Variants in KAZN observed in about 807,000 individuals in gnomAD.
KAZN encodes kazrin, periplakin interacting protein, also known as kazrin.
KAZN carries 40 observed loss-of-function variants against 87.4 expected under a neutral mutation model. The ratio of observed to expected loss-of-function variants is 0.46; its 90% CI spans 0.36 to 0.60. The LOEUF is 0.60. KAZN is among the 20% of genes least tolerant of loss of function. The pLI is 0.00. For synonymous variants in KAZN, 466 were observed against 458.3 expected, an observed-to-expected ratio of 1.02 and a Z score of -0.22; for missense variants, 898 against 1,073.9, an observed-to-expected ratio of 0.84 and a Z score of 2.29.
At chr1:14,695,510 C>CTTTTTTTTTTTTTTGTTTTTTTTTTTTT in intron 1 of KAZN, among the ~76,000 whole-genome samples, 1 of 85,048 alleles carries the variant, frequency 1.2e-5, no homozygotes, top group Non-Finnish European at 2.7e-5. Context: ...TACATTCCAT[C>CTTTTTTTTTTTTTTGTTTTTTTTTTTTT]TTTTTTTTTT....
At chr1:14,740,847 A>G (rs554200311) in intron 1 of KAZN, among the ~76,000 whole-genome samples, 5 of 152,306 alleles carry the variant, frequency 3.3e-5, no homozygotes, top group East Asian at 1.9e-4. Flanking sequence ...TGGGGATTCC[A>G]ATTACTAACT....
At chr1:14,509,997 G>A (rs1286025532) in intron 2 of KAZN, among the ~76,000 whole-genome samples, 1 of 108,792 alleles carries the variant, frequency 9.2e-6, no homozygotes, top group African/African-American at 2.7e-5. Context: ...GGCCAGTGTT[G>A]CTGGGGCAAG....
intron 2 of KAZN, among the ~76,000 whole-genome samples, chr1:14,497,398 A>G (rs1670008599): frequency 6.6e-6 from 1 of 151,556 alleles, no homozygotes; most frequent in Non-Finnish European, 1.5e-5. Context: ...GCAAGAGCCT[A>G]AAGAGGTTTG....
chr1:14,862,613 A>G (rs911770488), intron 1 of KAZN, among the ~76,000 whole-genome samples: 1 of 152,172 alleles, frequency 6.6e-6, no homozygotes, highest in Non-Finnish European at 1.5e-5. Context: ...AGTCTTTCCA[A>G]TCAGCCTCCC....
intron 2 of KAZN, among the ~76,000 whole-genome samples, chr1:14,359,082 C>T (rs1179298706): frequency 1.3e-5 from 2 of 152,120 alleles, no homozygotes; most frequent in South Asian, 2.1e-4. Context: ...TCTCTAAGAA[C>T]TTGCTTTATG....
chr1:14,401,397 G>A (rs990698373), intron 2 of KAZN, among the ~76,000 whole-genome samples: 10 of 151,654 alleles, frequency 6.6e-5, no homozygotes, highest in African/African-American at 1.9e-4. Flanking sequence ...GGTCAATCTC[G>A]TATGTTGAAC....
intron 2 of KAZN, among the ~76,000 whole-genome samples, chr1:14,581,295 A>G (rs1675531518): frequency 1.3e-5 from 2 of 152,118 alleles, no homozygotes; most frequent in African/African-American, 4.8e-5. Context: ...GCTTAAATAC[A>G]AGCATTCAGG....
Position 14,325,256 on chromosome 1 carries a change from G to A in KAZN, c.249+144664G>A, listed in dbSNP as rs77823959. Among the ~76,000 whole-genome samples the A allele has an allele frequency of 8.5e-5, 13 of 152,252 alleles. No homozygotes were observed. In the East Asian group the frequency reaches 2.5e-3, roughly 29 times the overall value. On this transcript the variant is annotated intron_variant, in intron 2 of 16. Coordinates refer to the KAZN transcript ENST00000636203. ...AGCCACCATCACTCTGAGCATTAAAGCCAGATGGACTCCACTGAAGCAGAG... is the reference window on the plus strand; with the variant it reads ...AGCCACCATCACTCTGAGCATTAAAACCAGATGGACTCCACTGAAGCAGAG...
intron 2 of KAZN, among the ~76,000 whole-genome samples, chr1:14,363,174 A>T (rs537240332): frequency 6.6e-6 from 1 of 152,326 alleles, no homozygotes; most frequent in Non-Finnish European, 1.5e-5. Context: ...CATCTTGCTA[A>T]GGTTGGCAGT....
rs146300824 is a variant in KAZN, at chr1:15,040,110, C to T, written c.556-3879C>T. Among the ~76,000 whole-genome samples the T allele has an allele frequency of 1.3e-3, 195 of 152,292 alleles. 1 individual carries two copies. The East Asian group carries it at 0.028, about 22-fold the overall frequency. On this transcript the variant is annotated intron_variant, in intron 3 of 14. Coordinates refer to ENST00000376030, the MANE Select transcript of KAZN (RefSeq NM_201628.3). The stretch of plus-strand genomic sequence containing the variant: ...TTTTACAGGTGGGAAGACTGAGGTC[C>T]GCAAGGGTCAAGTGACTGACCCAAG...
At chr1:14,392,593 G>C (rs1662543085) in intron 2 of KAZN, among the ~76,000 whole-genome samples, 1 of 152,088 alleles carries the variant, frequency 6.6e-6, no homozygotes, top group Admixed American at 6.5e-5. Context: ...ATTATTTGGG[G>C]CCACATCATT....
At chr1:14,014,746 T>C (rs904014512) in intron 1 of KAZN, among the ~76,000 whole-genome samples, 1 of 152,188 alleles carries the variant, frequency 6.6e-6, no homozygotes, top group Non-Finnish European at 1.5e-5. Flanking sequence ...AAAGTACATC[T>C]TGGAGAAAAG....
intron 2 of KAZN, among the ~76,000 whole-genome samples, chr1:14,219,773 C>G (rs978663898): frequency 4.6e-5 from 7 of 152,156 alleles, no homozygotes; most frequent in Non-Finnish European, 2.9e-5. Context: ...TCAGTTGAAT[C>G]TTCTAAGATG....
intron 1 of KAZN, among the ~76,000 whole-genome samples, chr1:14,910,979 C>G (rs947671137): frequency 1.3e-5 from 2 of 152,240 alleles, no homozygotes; most frequent in African/African-American, 2.4e-5. Flanking sequence ...ATAGACCAAG[C>G]TTCCATCCCG....
At chr1:14,382,381 A>G (rs1212472903) in intron 2 of KAZN, among the ~76,000 whole-genome samples, 2 of 151,210 alleles carry the variant, frequency 1.3e-5, no homozygotes, top group African/African-American at 2.4e-5. Flanking sequence ...GGTTACTTAC[A>G]TATGTATACA....
intron 2 of KAZN, among the ~76,000 whole-genome samples, chr1:14,405,606 A>ATATGTGTGTGTGTGTG (rs760881462): frequency 1.8e-4 from 24 of 136,220 alleles, no homozygotes; most frequent in African/African-American, 6.4e-4. Context: ...ACCCAATAAA[A>ATATGTGTGTGTGTGTG]TGTGTGTGTG....
intron 2 of KAZN, among the ~76,000 whole-genome samples, chr1:14,412,099 G>A (rs775969593): frequency 7.9e-5 from 12 of 151,986 alleles, no homozygotes; most frequent in Non-Finnish European, 1.5e-4. Flanking sequence ...TCATTCTCAG[G>A]GGGTCATAGG....
intron 1 of KAZN, among the ~76,000 whole-genome samples, chr1:14,790,009 TC>T (rs1396767541): frequency 6.6e-6 from 1 of 151,878 alleles, no homozygotes; most frequent in Non-Finnish European, 1.5e-5. Flanking sequence ...TTTTCTTTTT[TC>T]TTTTTTTTTG....
At chr1:14,149,598 G>C (rs191563633) in intron 1 of KAZN, among the ~76,000 whole-genome samples, 1 of 151,962 alleles carries the variant, frequency 6.6e-6, no homozygotes, top group Non-Finnish European at 1.5e-5. Context: ...CGTTTTCATC[G>C]GTCACCACTA....
Sources: allele counts gnomAD v4.1 joint callset (sites outside exome capture counted in the v4.1 genomes callset), GRCh38; gene constraint gnomAD v4.1.1; transcripts MANE v1.5; gene names NCBI Gene and HGNC (gene_info 2026-07-23, HGNC 2026-07-21).